FBXO42: variants seen among roughly 807,000 people sequenced by gnomAD.
FBXO42 encodes the protein F-box protein 42, also known as F-box only protein 42.
A neutral mutation model predicts 71.7 loss-of-function variants in FBXO42; 12 were observed. The ratio of observed to expected loss-of-function variants is 0.17; its 90% confidence interval spans 0.11 to 0.27. The LOEUF is 0.27. Among genes scored for constraint, FBXO42 ranks in the 10% least tolerant of loss-of-function variants. FBXO42 has a pLI of 1.00. For missense variants in FBXO42, 707 were observed against 911.9 expected (o/e 0.78, Z 2.89); for synonymous variants, 325 against 327.5 (o/e 0.99, Z 0.08).
intron 1 of FBXO42, among the ~76,000 whole-genome samples, chr1:16,328,729 T>C (rs914480249): frequency 1.3e-5 from 2 of 152,186 alleles, no homozygotes; most frequent in African/African-American, 4.8e-5. Context: ...AAGTTCTTTC[T>C]AATACCGTTC....
intron 1 of FBXO42, among the ~76,000 whole-genome samples, chr1:16,342,619 T>A (rs1261459078): frequency 6.6e-6 from 1 of 151,026 alleles, no homozygotes; most frequent in African/African-American, 2.4e-5. Flanking sequence ...TACCATCTCC[T>A]CCCTTTTGTT....
At chr1:16,280,801 A>T (rs769592292) in intron 4 of FBXO42, among the ~76,000 whole-genome samples, 5 of 152,052 alleles carry the variant, frequency 3.3e-5, no homozygotes, top group Non-Finnish European at 5.9e-5. Flanking sequence ...GAAAAGAAGA[A>T]CGAAAACTAC....
intron 4 of FBXO42, among the ~76,000 whole-genome samples, chr1:16,279,619 A>C (rs1183509633): frequency 6.6e-6 from 1 of 152,236 alleles, no homozygotes; most frequent in Non-Finnish European, 1.5e-5. Context: ...TGATAAACAT[A>C]ATAGTCAAAT....
chr1:16,260,201 C>T (rs554699991), intron 4 of FBXO42, among the ~76,000 whole-genome samples: 2 of 140,510 alleles, frequency 1.4e-5, no homozygotes, highest in South Asian at 4.5e-4. Context: ...CTATTATGTA[C>T]TATGCAGCTT....
At chr1:16,308,189 C>T (rs1459681166) in intron 2 of FBXO42, among the ~76,000 whole-genome samples, 2 of 152,114 alleles carry the variant, frequency 1.3e-5, no homozygotes, top group African/African-American at 4.8e-5. Context: ...CTATATTGTC[C>T]AGACTGGTCT....
intron 4 of FBXO42, among the ~76,000 whole-genome samples, chr1:16,291,124 C>G (rs760828497): frequency 1.4e-4 from 21 of 152,190 alleles, no homozygotes; most frequent in Non-Finnish European, 2.8e-4. Context: ...TGTACATACT[C>G]TGTTAGAAGA....
chr1:16,315,505 T>A, intron 1 of FBXO42, 70 bp from the exon 2 acceptor site: 1 of 1,469,406 alleles, frequency 6.8e-7, no homozygotes, highest in Non-Finnish European at 9.2e-7. Context: ...GGCATGTACA[T>A]CCAAGCTCTT....
chr1:16,334,488 G>C (rs2082532835), intron 1 of FBXO42, among the ~76,000 whole-genome samples: 1 of 151,318 alleles, frequency 6.6e-6, no homozygotes, highest in African/African-American at 2.4e-5. Context: ...CACCTCCCTG[G>C]CACTTGGAGC....
At chr1:16,300,945 C>T (rs1368321821) in intron 3 of FBXO42, among the ~76,000 whole-genome samples, 1 of 132,300 alleles carries the variant, frequency 7.6e-6, no homozygotes, top group East Asian at 2.2e-4. Flanking sequence ...GTCACCCAGG[C>T]TAGAGTGCAG....
At position 16,263,134 on chromosome 1, in the gene FBXO42, A is replaced by AT. The variant is rs201966154; in HGVS notation, c.503-6376dup. ...ATATTCAAATTACATAACTTTATTC[A>AT]TTTTTTTTTAAGTTCCAGGAAAAGC... is the stretch of plus-strand genomic sequence containing the variant. On this transcript the variant is annotated intron_variant, in intron 4 of 9. Transcript: ENST00000375592. Among the ~76,000 whole-genome samples the AT allele has an allele frequency of 7.7e-3, 1,161 of 151,358 alleles. 12 individuals are homozygous for AT. Among genetic ancestry groups the AT allele is most frequent in the African/African-American group, 0.026 (1,072 of 41,242 alleles).
intron 3 of FBXO42, among the ~76,000 whole-genome samples, chr1:16,302,434 C>A (rs750564873): frequency 6.6e-6 from 1 of 152,188 alleles, no homozygotes; most frequent in Non-Finnish European, 1.5e-5. Context: ...AGGAAACTTA[C>A]ATTTATGGTA....
chr1:16,250,298 G>C lies in FBXO42; in HGVS notation c.*372C>G, dbSNP rs2081577178. 6.6e-6 allele frequency: 1 copy of C among 152,670 alleles called. No individual in the cohort carries two copies. Among genetic ancestry groups the C allele is most frequent in the African/African-American group, 2.4e-5 (1 of 41,430 alleles). The allele number at this position is 152,670 out of a possible 1,614,324, so 9.5% of individuals were successfully genotyped here. A position where few individuals can be genotyped will look rare whatever the true frequency, so the allele number is the denominator to read the frequency against. ...CAAGAAGGCCACATAAAGATTTACAGGGGGCTCTTCAGTTTCTTTTGGGAA... is the reference window on the plus strand; with the variant it reads ...CAAGAAGGCCACATAAAGATTTACACGGGGCTCTTCAGTTTCTTTTGGGAA... On this transcript the variant is annotated 3_prime_UTR_variant, in exon 10 of 10. Transcript: ENST00000375592. The surrounding 1 kb of genome is among the most constrained non-coding windows in gnomAD (Gnocchi z 4.7).
chr1:16,277,593 T>C (rs1429963506), intron 4 of FBXO42, among the ~76,000 whole-genome samples: 1 of 150,908 alleles, frequency 6.6e-6, no homozygotes, highest in Non-Finnish European at 1.5e-5. Flanking sequence ...GGCGTGGTGG[T>C]ATGCACCTGT....
At chr1:16,340,737 G>C (rs182028131) in intron 1 of FBXO42, among the ~76,000 whole-genome samples, 1 of 152,206 alleles carries the variant, frequency 6.6e-6, no homozygotes, top group Admixed American at 6.5e-5. Flanking sequence ...TGAGCAATAG[G>C]CTTAAAATAC....
chr1:16,286,491 G>A (rs1157326004), intron 4 of FBXO42, among the ~76,000 whole-genome samples: 4 of 152,082 alleles, frequency 2.6e-5, no homozygotes, highest in Non-Finnish European at 4.4e-5. Flanking sequence ...CAGCATGGGC[G>A]AACCACCCCC....
intron 1 of FBXO42, among the ~76,000 whole-genome samples, chr1:16,327,202 G>A (rs945469906): frequency 1.3e-5 from 2 of 152,042 alleles, no homozygotes; most frequent in Admixed American, 6.6e-5. Flanking sequence ...ACTCACTTAC[G>A]GTTGCAAAGT....
chr1:16,254,725 CA>C (rs748018466), intron 6 of FBXO42, among the ~76,000 whole-genome samples: 24 of 152,300 alleles, frequency 1.6e-4, no homozygotes, highest in Non-Finnish European at 3.2e-4. Flanking sequence ...CTTCAGAGCA[CA>C]GGGGGAATGA....
intron 1 of FBXO42, among the ~76,000 whole-genome samples, chr1:16,348,527 CCT>C (rs2082672236): frequency 6.6e-6 from 1 of 151,626 alleles, no homozygotes; most frequent in Admixed American, 6.6e-5. Context: ...TGAAATCCCA[CCT>C]CTACTAAAAA....
At chr1:16,311,110 G>A (rs1196770300) in intron 2 of FBXO42, among the ~76,000 whole-genome samples, 12 of 78,752 alleles carry the variant, frequency 1.5e-4, no homozygotes, top group African/African-American at 6.5e-4. Flanking sequence ...CCCAGGAGGC[G>A]GAGCTTGCAA....
Sources: allele counts gnomAD v4.1 joint callset (sites outside exome capture counted in the v4.1 genomes callset), GRCh38; gene constraint gnomAD v4.1.1; non-coding constraint Gnocchi (gnomAD v3.1); transcripts MANE v1.5; gene names NCBI Gene and HGNC (gene_info 2026-07-23, HGNC 2026-07-21).